VPS13D: variants seen among roughly 807,000 people sequenced by gnomAD.
VPS13D encodes the protein intermembrane lipid transfer protein VPS13D.
Under a neutral mutation model 461.9 loss-of-function variants are expected in VPS13D, and 187 were observed. That is an observed-to-expected ratio of 0.40 (90% CI 0.36 to 0.46). The LOEUF (loss-of-function observed/expected upper bound fraction) is 0.46. Among genes scored for constraint, VPS13D ranks in the 20% least tolerant of loss-of-function variants. The pLI is 0.60. For synonymous variants in VPS13D, 1,951 were observed against 1,986.3 expected, an observed-to-expected ratio of 0.98 and a Z score of 0.47; for missense variants, 4,711 against 5,364.9, an observed-to-expected ratio of 0.88 and a Z score of 3.81.
intron 52 of VPS13D, among the ~76,000 whole-genome samples, chr1:12,366,264 C>G (rs1446685894): frequency 1.3e-5 from 2 of 152,064 alleles, no homozygotes; most frequent in South Asian, 2.1e-4. Context: ...AATAGTGAGC[C>G]CTTCTTAATT....
rs143861538 is a variant in VPS13D, at chr1:12,460,381, C to T, written c.12647C>T (p.Thr4216Ile). 2,589 of 1,601,672 alleles carry T rather than the reference C, an allele frequency of 1.6e-3. 3 individuals are homozygous for T. Among genetic ancestry groups the T allele is most frequent in the Non-Finnish European group, 1.9e-3 (2,256 of 1,173,674 alleles). The change falls in exon 67 of 70, where the codon ACA becomes ATA. Residue 4216 changes from threonine (T) to isoleucine (I), a missense_variant. Around this residue, in one of 3 missense-constraint regions of VPS13D, gnomAD observed 194 missense variants for 220.9 expected, o/e 0.88. Coordinates refer to ENST00000620676, the MANE Select transcript of VPS13D (RefSeq NM_015378.4). ...ETAQAVRDTA[T>I]LSGPRTQAQR... ...GCCCAGGCGGTGAGAGACACAGCCA[C>T]ACTCAGCGGCCCCAGGTCAGTGGTG...
chr1:12,494,403 G>A (rs1054824675), intron 67 of VPS13D, among the ~76,000 whole-genome samples: 1 of 152,218 alleles, frequency 6.6e-6, no homozygotes, highest in Non-Finnish European at 1.5e-5. Flanking sequence ...CTCTGAGGGA[G>A]TCCACTGAGT....
intron 1 of VPS13D, among the ~76,000 whole-genome samples, chr1:12,231,698 TATA>T (rs1639977862): frequency 6.6e-6 from 1 of 152,192 alleles, no homozygotes; most frequent in African/African-American, 2.4e-5. Flanking sequence ...CCTTTCAAGT[TATA>T]ATAGTGGCCG....
rs560568347 is a variant in VPS13D at position 12,261,146 on chromosome 1, C to A, written c.1411C>A (p.Leu471Met). 83 of 1,614,142 alleles carry A rather than the reference C, an allele frequency of 5.1e-5. No individual in the cohort carries two copies. In the East Asian group the frequency reaches 1.8e-3, roughly 36 times the overall value. Residue 471 changes from leucine to methionine, a missense_variant, in exon 12 of 70, where the codon CTG (leucine) becomes ATG (methionine). By Grantham distance (15) the Leu-to-Met change is conservative. Transcript: ENST00000620676. ...GGAGCAGTGGATTCCTGAAGAGATC[C>A]TGGGTACGGTGGGAGCTGGCCTTCA... ...QQEQWIPEEILGTEEFFDPTA... is the reference protein window; with the variant it reads ...QQEQWIPEEIMGTEEFFDPTA...
chr1:12,449,024 T>G (rs966098834), intron 65 of VPS13D, among the ~76,000 whole-genome samples: 1 of 152,164 alleles, frequency 6.6e-6, no homozygotes, highest in African/African-American at 2.4e-5. Flanking sequence ...TTAGATAACT[T>G]TGTTTCTTAA....
At position 12,299,302 on chromosome 1, in the gene VPS13D, T is replaced by C; in HGVS notation, c.6134T>C (p.Ile2045Thr). Reference protein sequence around the residue: ...IPESSRSNNLIVANLGKLKVK... With the variant: ...IPESSRSNNLTVANLGKLKVK... Reference sequence around the variant, plus strand: ...GAAAGTTCCAGATCAAATAATCTGATTGTAGCAAATTTGGGGAAGTTGAAA... The same window carrying C: ...GAAAGTTCCAGATCAAATAATCTGACTGTAGCAAATTTGGGGAAGTTGAAA... The change falls in exon 25 of 70, where the codon ATT becomes ACT. Residue 2045 changes from isoleucine (I) to threonine (T), a missense_variant. Physicochemically the swap from Ile to Thr is moderately conservative, Grantham distance 89. Coordinates refer to ENST00000620676, the MANE Select transcript of VPS13D (RefSeq NM_015378.4). The surrounding 1 kb of genome is among the most constrained non-coding windows in gnomAD (Gnocchi z 4.2). 1 of 1,613,928 alleles carries C rather than the reference T, an allele frequency of 6.2e-7. No homozygotes were observed. Among genetic ancestry groups the C allele is most frequent in the Non-Finnish European group, 8.5e-7 (1 of 1,179,970 alleles).
In VPS13D at chr1:12,282,624, G is replaced by A. The variant is rs12565969; in HGVS notation, c.4603-81G>A. The A allele has an allele frequency of 0.038, 50,370 of 1,312,872 alleles. 1,850 individuals carry two copies. Among genetic ancestry groups the A allele is most frequent in the Admixed American group, 0.17 (7,720 of 45,532 alleles). 81.3% of individuals were successfully genotyped at this position (1,312,872 alleles called of 1,614,324 possible). On this transcript the variant is annotated intron_variant, in intron 20 of 69. Transcript: ENST00000620676. Reference sequence around the variant, plus strand: ...TTACAGCCTCATGTAGGAATCATGTGGCAACTGTAGACATTTATGGGCATT... The same window carrying A: ...TTACAGCCTCATGTAGGAATCATGTAGCAACTGTAGACATTTATGGGCATT...
At chr1:12,278,565 G>A (rs1376945283) in intron 19 of VPS13D, among the ~76,000 whole-genome samples, 3 of 152,166 alleles carry the variant, frequency 2.0e-5, no homozygotes, top group Non-Finnish European at 4.4e-5. Context: ...GTGACCAGCC[G>A]CGCCCAGGCA....
At position 12,416,770 on chromosome 1, in the gene VPS13D, A is replaced by G. The variant is rs1299899350; in HGVS notation, c.12276A>G (p.Gly4092=). The G allele has an allele frequency of 2.5e-6, 4 of 1,614,052 alleles. No individual in the cohort carries two copies. In the Admixed American group the frequency reaches 5.0e-5, roughly 20 times the overall value. Reference sequence around the variant, plus strand: ...GGGTTACTGGACTGATAAAATATGGAAATGTCGGGGGCCTCATCAGAAATG... The same window carrying G: ...GGGTTACTGGACTGATAAAATATGGGAATGTCGGGGGCCTCATCAGAAATG... The part of the protein sequence containing the change: ...SEGVTGLIKY[G]NVGGLIRNVT... The change falls in exon 65 of 70, where the codon GGA becomes GGG. Residue 4092 remains glycine, a synonymous_variant. Coordinates refer to ENST00000620676, the MANE Select transcript of VPS13D (RefSeq NM_015378.4).
chr1:12,388,402 C>G (rs919863561), intron 60 of VPS13D, among the ~76,000 whole-genome samples: 1 of 151,850 alleles, frequency 6.6e-6, no homozygotes. Flanking sequence ...TGGTGAAACC[C>G]CATCTCTACT....
chr1:12,396,010 TATATATATATATATATATA>T (rs1344452195), intron 60 of VPS13D, among the ~76,000 whole-genome samples: 3 of 134,502 alleles, frequency 2.2e-5, no homozygotes, highest in Admixed American at 1.5e-4. Flanking sequence ...TATATATATA[TATATATATATATATATATA>T]GTTCTTTAAG....
At chr1:12,422,586 A>G (rs1252007755) in intron 65 of VPS13D, among the ~76,000 whole-genome samples, 1 of 152,244 alleles carries the variant, frequency 6.6e-6, no homozygotes, top group Non-Finnish European at 1.5e-5. Context: ...TCTTGGTACA[A>G]ACAGCATTAG....
At position 12,277,382 on chromosome 1, in the gene VPS13D, C is replaced by A; in HGVS notation, c.3794C>A (p.Ala1265Asp). ...ESVFVRMEDA[A>D]LTEALSFTFV... ...GTGTTTGTCAGAATGGAAGATGCAG[C>A]CCTCACTGAAGCTTTGAGTTTCACG... is the stretch of plus-strand genomic sequence containing the variant. Residue 1265 changes from alanine (A) to aspartate (D), a missense_variant, in exon 19 of 70, where the codon GCC becomes GAC. Ala to Asp is a moderately radical substitution (Grantham distance 126). This residue lies in a region of VPS13D where 4,411 missense variants were observed against 4,937.8 expected (regional missense o/e 0.89). Coordinates refer to ENST00000620676, the MANE Select transcript of VPS13D (RefSeq NM_015378.4). 6.2e-7 allele frequency: 1 copy of A among 1,614,158 alleles called. No individual in the cohort carries two copies. The highest frequency in any genetic ancestry group is 8.5e-7 in the Non-Finnish European group (1 of 1,180,026).
In VPS13D at chr1:12,267,891, C is replaced by T. The variant is rs778371776; in HGVS notation, c.1772C>T (p.Thr591Ile). 5.9e-5 allele frequency: 95 copies of T among 1,614,000 alleles called. No individual in the cohort carries two copies. Among genetic ancestry groups the T allele is most frequent in the Non-Finnish European group, 7.6e-5 (90 of 1,179,996 alleles). ...TCACAATCTTTTGGTCTACAAACTA[C>T]ATCTGCAGACAGAAGTGATCATTAC... Reference protein sequence around the residue: ...RVSQSFGLQTTSADRSDHYPA... With the variant: ...RVSQSFGLQTISADRSDHYPA... Residue 591 changes from threonine (T) to isoleucine (I), a missense_variant, in exon 15 of 70, where the codon ACA becomes ATA. Thr to Ile is a moderately conservative substitution (Grantham distance 89, BLOSUM62 -1). Coordinates refer to ENST00000620676, the MANE Select transcript of VPS13D (RefSeq NM_015378.4).
chr1:12,322,663 C>T lies in VPS13D; in HGVS notation c.7832C>T (p.Ser2611Phe), dbSNP rs1297427136. Residue 2611 changes from serine (S) to phenylalanine (F), a missense_variant, in exon 34 of 70, where the codon TCC becomes TTC. Ser to Phe is a radical substitution (Grantham distance 155). This residue lies in a region of VPS13D where 4,411 missense variants were observed against 4,937.8 expected (regional missense o/e 0.89). Transcript: ENST00000620676. ...GACTCAGTGGCCCTGGAGTCAGACTCCGTTGGCACTTACCTTCCAGGTGCA... is the reference window on the plus strand; with the variant it reads ...GACTCAGTGGCCCTGGAGTCAGACTTCGTTGGCACTTACCTTCCAGGTGCA... Reference protein sequence around the residue: ...VPDSVALESDSVGTYLPGASR... With the variant: ...VPDSVALESDFVGTYLPGASR... The T allele has an allele frequency of 2.5e-6, 4 of 1,614,248 alleles. No individual in the cohort carries two copies. The highest frequency in any genetic ancestry group is 3.4e-6 in the Non-Finnish European group (4 of 1,180,038).
chr1:12,321,373 CTT>C (rs913845716), intron 32 of VPS13D, among the ~76,000 whole-genome samples: 1 of 152,058 alleles, frequency 6.6e-6, no homozygotes, highest in African/African-American at 2.4e-5. Context: ...TGTGTTTTCA[CTT>C]TGTGTTGTAA....
intron 65 of VPS13D, among the ~76,000 whole-genome samples, chr1:12,449,672 T>G (rs1422351483): frequency 6.6e-6 from 1 of 152,200 alleles, no homozygotes; most frequent in Non-Finnish European, 1.5e-5. Flanking sequence ...GACTTAGGTC[T>G]TACATGACTC....
intron 54 of VPS13D, among the ~76,000 whole-genome samples, chr1:12,372,562 C>CT (rs1388037743): frequency 2.0e-5 from 3 of 151,958 alleles, no homozygotes; most frequent in Non-Finnish European, 4.4e-5. Flanking sequence ...AATTATTTAC[C>CT]TTTTTATTGT....
At chr1:12,253,193 T>C (rs995638294) in intron 6 of VPS13D, among the ~76,000 whole-genome samples, 31 of 152,140 alleles carry the variant, frequency 2.0e-4, no homozygotes, top group Admixed American at 2.0e-3. Flanking sequence ...TAACAATGAT[T>C]TACATAGCAT....
Sources: allele counts gnomAD v4.1 joint callset (sites outside exome capture counted in the v4.1 genomes callset), GRCh38; gene constraint gnomAD v4.1.1; regional missense constraint gnomAD v4.1.1; non-coding constraint Gnocchi (gnomAD v3.1); transcripts MANE v1.5; gene names NCBI Gene and HGNC (gene_info 2026-07-23, HGNC 2026-07-21).